PBRM1: variants seen among roughly 807,000 people sequenced by gnomAD.
The protein encoded by PBRM1 is polybromo 1, also known as protein polybromo-1.
In PBRM1, 27 loss-of-function variants were observed where a neutral mutation model predicts 194.5. That is an observed-to-expected ratio of 0.14 (90% CI 0.10 to 0.19). The LOEUF (loss-of-function observed/expected upper bound fraction) is 0.19. Among genes scored for constraint, PBRM1 ranks in the 10% least tolerant of loss-of-function variants. PBRM1 has a pLI of 1.00. For missense variants in PBRM1, 1,466 were observed against 2,077.2 expected, an observed-to-expected ratio of 0.71 and a Z score of 5.72; for synonymous variants, 655 against 693.2, an observed-to-expected ratio of 0.94 and a Z score of 0.87.
intron 17 of PBRM1, 133 bp downstream of exon 19, chr3:52,603,388 T>C (rs2094136171): frequency 4.7e-6 from 4 of 860,112 alleles, no homozygotes; most frequent in South Asian, 3.7e-5. Context: ...TTCCATCTCA[T>C]TGCGTCTACT....
intron 21 of PBRM1, among the ~76,000 whole-genome samples, chr3:52,577,220 C>G (rs532283783): frequency 1.1e-4 from 17 of 152,176 alleles, no homozygotes; most frequent in Admixed American, 3.3e-4. Context: ...CACGTGAGCT[C>G]AGGAGTTCAA....
intron 13 of PBRM1, chr3:52,624,911 G>A (rs1328250897): frequency 4.5e-6 from 7 of 1,547,170 alleles, no homozygotes; most frequent in Non-Finnish European, 5.2e-6. Flanking sequence ...ATAGCCTCCT[G>A]AGACCCAACA....
chr3:52,565,644 T>C (rs1398100567), intron 22 of PBRM1, among the ~76,000 whole-genome samples: 1 of 152,014 alleles, frequency 6.6e-6, no homozygotes, highest in Non-Finnish European at 1.5e-5. Flanking sequence ...ATACAGAATA[T>C]ATATTCCTAC....
At chr3:52,549,083 C>T (rs537829376) in intron 29 of PBRM1, among the ~76,000 whole-genome samples, 3 of 150,060 alleles carry the variant, frequency 2.0e-5, no homozygotes, top group Non-Finnish European at 4.4e-5. Context: ...TGCAGTGGTG[C>T]GATCTTGGCT....
At chr3:52,560,663 T>G (rs781679861) in intron 25 of PBRM1, 1 of 152,188 alleles carries the variant, frequency 6.6e-6, no homozygotes, top group African/African-American at 2.4e-5. Flanking sequence ...ATATGCACCA[T>G]AAGTTTCCAA....
intron 22 of PBRM1, among the ~76,000 whole-genome samples, chr3:52,568,361 A>G (rs2086005065): frequency 6.6e-6 from 1 of 152,162 alleles, no homozygotes; most frequent in African/African-American, 2.4e-5. Flanking sequence ...GCTTTATAGG[A>G]GCTCTTCATC....
At chr3:52,629,952 A>G (rs188703228) in intron 11 of PBRM1, among the ~76,000 whole-genome samples, 85 of 152,320 alleles carry the variant, frequency 5.6e-4, no homozygotes, top group African/African-American at 2.0e-3. Context: ...TTGTGCTCCA[A>G]CAGATGAATA....
At chr3:52,670,699 A>G (rs928475982) in intron 2 of PBRM1, among the ~76,000 whole-genome samples, 1 of 152,150 alleles carries the variant, frequency 6.6e-6, no homozygotes, top group Non-Finnish European at 1.5e-5. Flanking sequence ...CATGGCTACT[A>G]AAGACTATAT....
At chr3:52,665,455 T>C (rs1241828053) in intron 3 of PBRM1, among the ~76,000 whole-genome samples, 1 of 152,164 alleles carries the variant, frequency 6.6e-6, no homozygotes, top group Admixed American at 6.5e-5. Flanking sequence ...TGAGCCATCA[T>C]GCCTGGCTGA....
At chr3:52,557,019 C>T (rs1456063127) in intron 26 of PBRM1, among the ~76,000 whole-genome samples, 2 of 151,650 alleles carry the variant, frequency 1.3e-5, no homozygotes, top group African/African-American at 4.9e-5. Flanking sequence ...AGTGCCACAA[C>T]GTCACACATC....
intron 22 of PBRM1, among the ~76,000 whole-genome samples, chr3:52,568,609 C>G (rs773388655): frequency 2.6e-5 from 4 of 151,976 alleles, no homozygotes; most frequent in Non-Finnish European, 4.4e-5. Context: ...ATTTATAATT[C>G]ATCTGGAAAT....
At chr3:52,579,267 AAGC>A in intron 20 of PBRM1, 68 bp from the exon 23 acceptor site, 1 of 1,406,128 alleles carries the variant, frequency 7.1e-7, no homozygotes, top group South Asian at 1.2e-5. Flanking sequence ...TAAGAAACGA[AAGC>A]AGACTTTTCT....
At chr3:52,600,421 T>C (rs754612707) in intron 17 of PBRM1, among the ~76,000 whole-genome samples, 1 of 152,232 alleles carries the variant, frequency 6.6e-6, no homozygotes, top group Non-Finnish European at 1.5e-5. Flanking sequence ...CATCAATTCC[T>C]GAAATTATTT....
downstream of PBRM1, chr3:52,547,300 C>T (rs1231134030): frequency 3.0e-5 from 7 of 233,136 alleles, no homozygotes; most frequent in South Asian, 1.1e-3. Context: ...AAATCACTGA[C>T]ACCATAGTCT....
chr3:52,644,876 T>C (rs1235574336), intron 7 of PBRM1, 87 bp from the exon 9 acceptor site: 21 of 584,854 alleles, frequency 3.6e-5, no homozygotes, highest in Non-Finnish European at 6.1e-5. Context: ...GCACCTTCTA[T>C]GGCACTCTTT....
chr3:52,576,114 G>T (rs1003964878), intron 22 of PBRM1, among the ~76,000 whole-genome samples: 1 of 152,030 alleles, frequency 6.6e-6, no homozygotes, highest in East Asian at 1.9e-4. Flanking sequence ...ATGTACCAAC[G>T]TTAAGTATAA....
At chr3:52,608,403 G>A (rs145302932) in intron 16 of PBRM1, among the ~76,000 whole-genome samples, 207 of 152,298 alleles carry the variant, frequency 1.4e-3, no homozygotes, top group African/African-American at 4.6e-3. Context: ...TTCATAAAGT[G>A]CTTAGCATGG....
Position 52,644,886 on chromosome 3 carries a change from T to C in PBRM1, c.814-97A>G, listed in dbSNP as rs554065836. 186 of 555,424 alleles carry C rather than the reference T, an allele frequency of 3.3e-4. 3 individuals are homozygous for C. In the South Asian group the frequency reaches 4.0e-3, roughly 12 times the overall value. 34.4% of individuals were successfully genotyped at this position (555,424 alleles called of 1,614,324 possible). A position where few individuals can be genotyped will look rare whatever the true frequency, so the allele number is the denominator to read the frequency against. On this transcript the variant is annotated intron_variant, in intron 7 of 29. Coordinates refer to ENST00000296302, the Ensembl canonical transcript of PBRM1. ...AATGGGCACCTTCTATGGCACTCTT[T>C]CTACTTGGAGCAGACTTCCATTCAA...
At chr3:52,564,543 G>A (rs969909293) in intron 22 of PBRM1, among the ~76,000 whole-genome samples, 3 of 151,958 alleles carry the variant, frequency 2.0e-5, no homozygotes, top group Non-Finnish European at 2.9e-5. Flanking sequence ...TACTCGGGAG[G>A]CTGAGGTGGG....
Sources: gnomAD v4.1 joint callset for allele counts (sites outside exome capture counted in the v4.1 genomes callset) on GRCh38, gnomAD v4.1.1 for gene constraint, MANE v1.5 for transcripts, NCBI Gene and HGNC (gene_info 2026-07-23, HGNC 2026-07-21) for gene names.